Variants in RIT2 observed in about 807,000 individuals in gnomAD.
The protein encoded by RIT2 is Ras like without CAAX 2.
A neutral mutation model predicts 23.7 loss-of-function variants in RIT2; 24 were observed. The observed-to-expected ratio is 1.01, with a 90% confidence interval of 0.73 to 1.43. The LOEUF (loss-of-function observed/expected upper bound fraction) is 1.43, where lower values mean the gene tolerates loss of function less well. Ranked by LOEUF, RIT2 falls within the 40% of genes most tolerant of loss-of-function variation. The pLI is 0.00. For synonymous variants in RIT2, 107 were observed against 91.1 expected, an observed-to-expected ratio of 1.17 and a Z score of -0.99; for missense variants, 236 against 266.9, an observed-to-expected ratio of 0.88 and a Z score of 0.81.
At chr18:42,994,457 A>C (rs1437617748) in intron 2 of RIT2, among the ~76,000 whole-genome samples, 2 of 152,074 alleles carry the variant, frequency 1.3e-5, no homozygotes, top group South Asian at 2.1e-4. Flanking sequence ...TGGTTTTGCC[A>C]TCCTAACAAA....
intron 1 of RIT2, among the ~76,000 whole-genome samples, chr18:43,073,659 G>C (rs1398147565): frequency 6.6e-6 from 1 of 152,098 alleles, no homozygotes; most frequent in Non-Finnish European, 1.5e-5. Context: ...TGAGTTAGAG[G>C]TGGATGTGGA....
At chr18:42,768,134 T>A (rs1421206675) in intron 4 of RIT2, among the ~76,000 whole-genome samples, 7 of 152,176 alleles carry the variant, frequency 4.6e-5, no homozygotes, top group African/African-American at 1.4e-4. Context: ...AGTGATTTTT[T>A]AAATATATTT....
intron 4 of RIT2, among the ~76,000 whole-genome samples, chr18:42,866,347 T>C (rs1285019441): frequency 6.6e-6 from 1 of 152,178 alleles, no homozygotes; most frequent in Non-Finnish European, 1.5e-5. Flanking sequence ...AATGAAAATA[T>C]AGTCTCTCAC....
intron 4 of RIT2, among the ~76,000 whole-genome samples, chr18:42,921,821 A>G (rs1364928953): frequency 6.6e-6 from 1 of 152,124 alleles, no homozygotes; most frequent in African/African-American, 2.4e-5. Flanking sequence ...GTGCTTTGTC[A>G]CACTAGTTCC....
chr18:43,062,507 T>C (rs546091021), intron 1 of RIT2, among the ~76,000 whole-genome samples: 1 of 152,256 alleles, frequency 6.6e-6, no homozygotes, highest in South Asian at 2.1e-4. Flanking sequence ...ATCTTAATGT[T>C]CCAGTCAGGA....
At chr18:42,995,544 A>G (rs1910961027) in intron 2 of RIT2, among the ~76,000 whole-genome samples, 1 of 152,196 alleles carries the variant, frequency 6.6e-6, no homozygotes, top group African/African-American at 2.4e-5. Flanking sequence ...AAATCAGTCA[A>G]GCATTTTTTC....
At chr18:42,804,400 A>G (rs1014669741) in intron 4 of RIT2, among the ~76,000 whole-genome samples, 8 of 151,784 alleles carry the variant, frequency 5.3e-5, no homozygotes, top group Admixed American at 3.3e-4. Context: ...CTAAAAATAC[A>G]AAAAATGAGC....
chr18:42,771,239 T>C (rs754922459), intron 4 of RIT2, among the ~76,000 whole-genome samples: 1 of 152,200 alleles, frequency 6.6e-6, no homozygotes, highest in East Asian at 1.9e-4. Context: ...ATAATTATAT[T>C]ATCAAGACAG....
chr18:42,910,797 G>A (rs895005986), intron 4 of RIT2, among the ~76,000 whole-genome samples: 3 of 152,032 alleles, frequency 2.0e-5, no homozygotes, highest in Non-Finnish European at 2.9e-5. Flanking sequence ...ACCAAACAAC[G>A]GAACTTCAAA....
chr18:42,917,716 A>G (rs560825465), intron 4 of RIT2, among the ~76,000 whole-genome samples: 1 of 152,174 alleles, frequency 6.6e-6, no homozygotes, highest in Non-Finnish European at 1.5e-5. Flanking sequence ...GCTCTACATA[A>G]CCTGACCCTG....
chr18:42,744,869 A>G (rs1912881131), intron 4 of RIT2, among the ~76,000 whole-genome samples: 1 of 152,166 alleles, frequency 6.6e-6, no homozygotes, highest in Admixed American at 6.6e-5. Context: ...TTGACACTCC[A>G]TAAGTCTTTG....
chr18:42,765,992 G>T (rs1451345041), intron 4 of RIT2, among the ~76,000 whole-genome samples: 1 of 152,206 alleles, frequency 6.6e-6, no homozygotes. Flanking sequence ...CTCCTGCCAT[G>T]ATTCTGAATC....
At chr18:42,963,630 T>A (rs542965013) in intron 3 of RIT2, among the ~76,000 whole-genome samples, 1 of 152,188 alleles carries the variant, frequency 6.6e-6, no homozygotes, top group Non-Finnish European at 1.5e-5. Flanking sequence ...TGGTGGCTCA[T>A]ATCTGTAATC....
At chr18:43,080,421 C>T (rs1394266485) in intron 1 of RIT2, among the ~76,000 whole-genome samples, 1 of 152,126 alleles carries the variant, frequency 6.6e-6, no homozygotes. Context: ...CTAAATTTAA[C>T]CATTGGGTAG....
chr18:43,107,593 A>G (rs1405563091), intron 1 of RIT2, among the ~76,000 whole-genome samples: 1 of 152,156 alleles, frequency 6.6e-6, no homozygotes, highest in Non-Finnish European at 1.5e-5. Flanking sequence ...GCATGATCCC[A>G]GGTTTCAATA....
At chr18:43,014,020 G>A (rs947576150) in intron 2 of RIT2, among the ~76,000 whole-genome samples, 5 of 151,740 alleles carry the variant, frequency 3.3e-5, no homozygotes, top group Non-Finnish European at 7.4e-5. Context: ...GCTGGGTAAG[G>A]CTCTGGAATT....
At chr18:42,936,808 T>C (rs1909470434) in intron 3 of RIT2, among the ~76,000 whole-genome samples, 1 of 152,092 alleles carries the variant, frequency 6.6e-6, no homozygotes, top group African/African-American at 2.4e-5. Context: ...GATCAGGAGT[T>C]CGAGACCAGC....
intron 4 of RIT2, among the ~76,000 whole-genome samples, chr18:42,755,380 C>T (rs1438357765): frequency 6.6e-6 from 1 of 152,098 alleles, no homozygotes; most frequent in Non-Finnish European, 1.5e-5. Context: ...GTTGTTGTTT[C>T]CTCTGCCTGA....
intron 4 of RIT2, among the ~76,000 whole-genome samples, chr18:42,860,482 C>T (rs1907297245): frequency 1.3e-5 from 2 of 152,072 alleles, no homozygotes; most frequent in South Asian, 4.1e-4. Flanking sequence ...GTTCTCATTG[C>T]TTTTATGGAG....
Sources: allele counts gnomAD v4.1 joint callset (sites outside exome capture counted in the v4.1 genomes callset), GRCh38; gene constraint gnomAD v4.1.1; transcripts MANE v1.5; gene names NCBI Gene and HGNC (gene_info 2026-07-23, HGNC 2026-07-21).